The following CHD6 variants were observed in gnomAD, a reference collection of about 807,000 sequenced individuals.
The protein encoded by CHD6 is ATP-dependent chromatin remodeler CHD6.
A neutral mutation model predicts 276.9 loss-of-function variants in CHD6; 50 were observed. The ratio of observed to expected loss-of-function variants is 0.18; its 90% CI spans 0.14 to 0.23. The LOEUF (loss-of-function observed/expected upper bound fraction) is 0.23, where lower values mean the gene tolerates loss of function less well. Among genes scored for constraint, CHD6 ranks in the 10% least tolerant of loss-of-function variants. The pLI, the probability that CHD6 is intolerant of heterozygous loss-of-function variation, is 1.00. For missense variants in CHD6, 2,564 were observed against 3,365.8 expected, an observed-to-expected ratio of 0.76 and a Z score of 5.89; for synonymous variants, 1,173 against 1,229.3, an observed-to-expected ratio of 0.95 and a Z score of 0.96.
intron 27 of CHD6, among the ~76,000 whole-genome samples, chr20:41,431,420 CAGG>C (rs2047533390): frequency 6.6e-6 from 1 of 152,072 alleles, no homozygotes; most frequent in Non-Finnish European, 1.5e-5. Context: ...GGGTAGTGAT[CAGG>C]AGAAGAAGAG....
intron 1 of CHD6, among the ~76,000 whole-genome samples, chr20:41,559,734 T>C (rs2045281361): frequency 6.6e-6 from 1 of 152,134 alleles, no homozygotes; most frequent in Admixed American, 6.5e-5. Context: ...CACTGCACAT[T>C]TGCAAATCCA....
Position 41,453,822 on chromosome 20 carries a change from C to G in CHD6, c.3120+804G>C, listed in dbSNP as rs144491637. 2.5e-3 allele frequency among the ~76,000 whole-genome samples: 376 copies of G among 152,240 alleles called. 1 individual carries two copies. Among genetic ancestry groups the G allele is most frequent in the Non-Finnish European group, 4.2e-3 (284 of 68,014 alleles). ...TCTTAAAAGAGGAAAATCAGCATTT[C>G]TATTTATAGGAGAAAAGAGGGTGGA... On this transcript the variant is annotated intron_variant, in intron 20 of 36. Transcript: ENST00000373233.
chr20:41,502,422 T>G (rs889068866), intron 5 of CHD6, among the ~76,000 whole-genome samples: 1 of 152,358 alleles, frequency 6.6e-6, no homozygotes, highest in African/African-American at 2.4e-5. Context: ...TAGCTACATT[T>G]CAAGTGCTCA....
At chr20:41,429,499 C>T (rs571094517) in intron 27 of CHD6, among the ~76,000 whole-genome samples, 1 of 152,180 alleles carries the variant, frequency 6.6e-6, no homozygotes, top group Admixed American at 6.5e-5. Flanking sequence ...AGGACAACAA[C>T]CATAGTGTGC....
At chr20:41,476,612 TA>T (rs1239361930) in intron 16 of CHD6, among the ~76,000 whole-genome samples, 1 of 152,152 alleles carries the variant, frequency 6.6e-6, no homozygotes, top group Non-Finnish European at 1.5e-5. Context: ...GAAGGCTTGG[TA>T]ACATAACACT....
intron 11 of CHD6, among the ~76,000 whole-genome samples, chr20:41,491,072 A>G (rs915125297): frequency 6.6e-6 from 1 of 152,098 alleles, no homozygotes; most frequent in Non-Finnish European, 1.5e-5. Flanking sequence ...GTGAAGGCCG[A>G]GGACATTACC....
chr20:41,577,492 G>A (rs1052111430), intron 1 of CHD6, among the ~76,000 whole-genome samples: 1 of 152,102 alleles, frequency 6.6e-6, no homozygotes, highest in South Asian at 2.1e-4. Context: ...GGCTATTTCT[G>A]CTCTAAGGTC....
intron 17 of CHD6, chr20:41,459,415 C>A (rs796721253): frequency 5.9e-5 from 9 of 152,424 alleles, no homozygotes; most frequent in African/African-American, 2.2e-4. Context: ...AATAAGAAAG[C>A]TTGAAGTTCA....
At chr20:41,438,451 G>A (rs904617391) in intron 26 of CHD6, among the ~76,000 whole-genome samples, 19 of 151,956 alleles carry the variant, frequency 1.3e-4, no homozygotes, top group Non-Finnish European at 2.5e-4. Context: ...TTAGCCAGGC[G>A]TGGTGGTGGG....
chr20:41,526,445 G>T (rs1221990720), intron 3 of CHD6, among the ~76,000 whole-genome samples: 1 of 152,178 alleles, frequency 6.6e-6, no homozygotes, highest in African/African-American at 2.4e-5. Context: ...TCAAATAAAT[G>T]AGAAAGAGCC....
chr20:41,494,021 G>T, intron 8 of CHD6, 77 bp from the exon 9 acceptor site: 1 of 1,010,972 alleles, frequency 9.9e-7, no homozygotes, highest in Non-Finnish European at 1.6e-6. Flanking sequence ...TTATCTCTAA[G>T]TGATCCCTAC....
At chr20:41,508,050 G>A (rs2044019084) in intron 5 of CHD6, among the ~76,000 whole-genome samples, 1 of 152,166 alleles carries the variant, frequency 6.6e-6, no homozygotes, top group African/African-American at 2.4e-5. Flanking sequence ...ATGCTAATTG[G>A]TTAAACAGTA....
chr20:41,432,589 GCC>G (rs34609245), intron 27 of CHD6, among the ~76,000 whole-genome samples: 10 of 151,356 alleles, frequency 6.6e-5, no homozygotes, highest in African/African-American at 2.4e-4. Flanking sequence ...GAAACAAGGT[GCC>G]CCCCCCGACC....
chr20:41,465,244 T>C (rs1225062923), intron 17 of CHD6, among the ~76,000 whole-genome samples: 1 of 152,238 alleles, frequency 6.6e-6, no homozygotes. Context: ...AGTTATTTTA[T>C]GGTGGAGAAA....
In CHD6 at chr20:41,498,743, C is replaced by T. The variant is rs1011290373; in HGVS notation, c.916-517G>A. On this transcript the variant is annotated intron_variant, in intron 6 of 36. Coordinates refer to ENST00000373233, the MANE Select transcript of CHD6 (RefSeq NM_032221.5). The stretch of plus-strand genomic sequence containing the variant: ...CTGAGATGTCTGAAGAAAAAAACCC[C>T]CACGTTTCCATTAGGACTCATATGG... Among the ~76,000 whole-genome samples the T allele has an allele frequency of 1.3e-5, 2 of 151,822 alleles. 1 individual carries two copies. Among genetic ancestry groups the T allele is most frequent in the Non-Finnish European group, 2.9e-5 (2 of 67,972 alleles).
intron 3 of CHD6, among the ~76,000 whole-genome samples, chr20:41,531,074 CCTT>C (rs2044673850): frequency 6.6e-6 from 1 of 152,202 alleles, no homozygotes; most frequent in African/African-American, 2.4e-5. Flanking sequence ...TTAAATGCCT[CCTT>C]ATTCCCCCAA....
chr20:41,504,077 C>CAAAAAAAAAAAAAAAAAAAAAAAA (rs1189323419), intron 5 of CHD6, among the ~76,000 whole-genome samples: 12 of 27,094 alleles, frequency 4.4e-4, no homozygotes, highest in African/African-American at 1.2e-3. Flanking sequence ...GACTCTGTCT[C>CAAAAAAAAAAAAAAAAAAAAAAAA]AAAAAAAAAA....
intron 7 of CHD6, chr20:41,497,913 C>T (rs922289907): frequency 6.3e-6 from 3 of 478,368 alleles, no homozygotes; most frequent in African/African-American, 3.9e-5. Context: ...CACAACAATC[C>T]TTGGGCCCCA....
chr20:41,618,056 C>T (rs1163667226), intron 1 of CHD6, among the ~76,000 whole-genome samples: 1 of 148,336 alleles, frequency 6.7e-6, no homozygotes, highest in Admixed American at 6.7e-5. Context: ...CAAGGACGGC[C>T]GCCCGGCCCG....
Sources: gnomAD v4.1 joint callset for allele counts (sites outside exome capture counted in the v4.1 genomes callset) on GRCh38, gnomAD v4.1.1 for gene constraint, MANE v1.5 for transcripts, NCBI Gene and HGNC (gene_info 2026-07-23, HGNC 2026-07-21) for gene names.